The following PTGIR variants were observed in gnomAD, a reference collection of about 807,000 sequenced individuals.
The protein encoded by PTGIR is prostaglandin I2 receptor, also known as prostacyclin receptor.
Under a neutral mutation model 17.6 loss-of-function variants are expected in PTGIR, and 16 were observed. The observed-to-expected ratio is 0.91, with a 90% CI of 0.61 to 1.38. The LOEUF is 1.38. PTGIR is among the 40% of genes most tolerant of loss of function. The probability of loss-of-function intolerance (pLI) is 0.00; values close to 1 mark genes in which losing one functional copy is unlikely to be tolerated. For missense variants in PTGIR, 532 were observed against 548.6 expected (o/e 0.97, Z 0.30); for synonymous variants, 274 against 255.4 (o/e 1.07, Z -0.69).
intron 2 of PTGIR, chr19:46,622,116 G>A (rs2052736458): frequency 1.0e-6 from 1 of 985,450 alleles, no homozygotes. Flanking sequence ...CTGGCCTCTT[G>A]CATTTTACAG....
chr19:46,611,908 AAG>A, the PTGIR span, among the ~76,000 whole-genome samples: 1 of 152,252 alleles, frequency 6.6e-6, no homozygotes, highest in African/African-American at 2.4e-5. Context: ...GTGGAATAAA[AAG>A]AGGTCCTTCC....
chr19:46,624,360 C>T, intron 1 of PTGIR, 123 bp from the exon 2 acceptor site: 1 of 878,644 alleles, frequency 1.1e-6, no homozygotes, highest in Non-Finnish European at 1.6e-6. Context: ...ACCCCCAGTT[C>T]TCCTGTGTGT....
At chr19:46,619,551 G>GAAAGAAAGAAAGAA (rs1568675534), downstream of PTGIR, among the ~76,000 whole-genome samples, 34 of 66,570 alleles carry the variant, frequency 5.1e-4, no homozygotes, top group South Asian at 2.0e-3. Context: ...GAAAGAAAGA[G>GAAAGAAAGAAAGAA]AGAGAGAGAG....
Position 46,621,765 on chromosome 19 carries a change from TA to T in PTGIR, c.769-94del, listed in dbSNP as rs533575105. The T allele has an allele frequency of 1.5e-4, 217 of 1,495,308 alleles. 4 individuals carry two copies. In the South Asian group the frequency reaches 2.4e-3, roughly 17 times the overall value. 92.6% of individuals were successfully genotyped at this position (1,495,308 alleles called of 1,614,324 possible). ...TCCCACTTGCTTACCAGGGATGAGG[TA>T]GGGGTGACATGTCAGAGGGGAAGGA... On this transcript the variant is annotated intron_variant, in intron 2 of 2. Coordinates refer to ENST00000291294, the MANE Select transcript of PTGIR (RefSeq NM_000960.4). This position sits in a 1 kb window ranked among gnomAD's most constrained non-coding sequence, Gnocchi z 4.8.
chr19:46,621,197 T>C lies in PTGIR; in HGVS notation c.*83A>G. On this transcript the variant is annotated 3_prime_UTR_variant, in exon 3 of 3. Coordinates refer to ENST00000291294, the MANE Select transcript of PTGIR (RefSeq NM_000960.4). This position sits in a 1 kb window ranked among gnomAD's most constrained non-coding sequence, Gnocchi z 4.8. Reference sequence around the variant, plus strand: ...GAGTTTGGGGGCCAAGGTTCCAGCATCCGCAGCCATCAGCCATGTCCCTGA... The same window carrying C: ...GAGTTTGGGGGCCAAGGTTCCAGCACCCGCAGCCATCAGCCATGTCCCTGA... 7.0e-7 allele frequency: 1 copy of C among 1,438,074 alleles called. No homozygotes were observed. The highest frequency in any genetic ancestry group is 9.2e-7 in the Non-Finnish European group (1 of 1,091,922). The allele number at this position is 1,438,074 out of a possible 1,614,324, so 89.1% of individuals were successfully genotyped here.
the PTGIR span, chr19:46,614,374 G>A: frequency 1.0e-6 from 1 of 985,172 alleles, no homozygotes; most frequent in Non-Finnish European, 1.2e-6. Context: ...ATAAATCTGT[G>A]TGCGCCGGTG....
Position 46,623,489 on chromosome 19 carries a change from ACT to A in PTGIR, c.735_736del (p.Val246GlyfsTer21). The A allele has an allele frequency of 1.9e-6, 3 of 1,579,226 alleles. No individual in the cohort carries two copies. Among genetic ancestry groups the A allele is most frequent in the Non-Finnish European group, 2.6e-6 (3 of 1,161,660 alleles). On this transcript the variant is annotated frameshift_variant, in exon 2 of 3. Transcript: ENST00000291294. LOFTEE classifies it low-confidence loss of function (END_TRUNC). ...AGGCAGGGAGCACACGGCCATGACC[ACT>A]GTCATGAGGGCCAGCAGGATCAGGT...
In PTGIR at chr19:46,621,619, G is replaced by A. The variant is rs1235141623; in HGVS notation, c.822C>T (p.Asp274=). The A allele has an allele frequency of 5.6e-6, 9 of 1,613,524 alleles. No homozygotes were observed. Among genetic ancestry groups the A allele is most frequent in the Non-Finnish European group, 7.6e-6 (9 of 1,180,008 alleles). Residue 274 remains aspartate, a synonymous_variant, in exon 3 of 3, where the codon GAC becomes GAT. Transcript: ENST00000291294. This position sits in a 1 kb window ranked among gnomAD's most constrained non-coding sequence, Gnocchi z 4.8. ...AGGCGTAGAAGCGGAAGGCAAGGAGGTCCCCCATCTCACTGCTGCTGTCAG... is the reference window on the plus strand; with the variant it reads ...AGGCGTAGAAGCGGAAGGCAAGGAGATCCCCCATCTCACTGCTGCTGTCAG... ...VAPDSSSEMG[D]LLAFRFYAFN...
Position 46,623,562 on chromosome 19 carries a change from C to G in PTGIR, c.664G>C (p.Gly222Arg). Residue 222 changes from glycine (G) to arginine (R), a missense_variant, in exon 2 of 3, where the codon GGC (glycine) becomes CGC (arginine). Coordinates refer to ENST00000291294, the MANE Select transcript of PTGIR (RefSeq NM_000960.4). The part of the protein sequence containing the change: ...RMYRQQKRHQ[G>R]SLGPRPRTGE... ...GTGCGCGGCCGTGGACCCAGAGAGC[C>G]CTGGTGGCGCTTCTGCTGGCGGTAC... 3 of 1,554,024 alleles carry G rather than the reference C, an allele frequency of 1.9e-6. No individual in the cohort carries two copies. The highest frequency in any genetic ancestry group is 2.6e-6 in the Non-Finnish European group (3 of 1,148,626).
At position 46,622,498 on chromosome 19, in the gene PTGIR, C is replaced by T. The variant is rs73560717; in HGVS notation, c.769-826G>A. On this transcript the variant is annotated intron_variant, in intron 2 of 2. Coordinates refer to ENST00000291294, the MANE Select transcript of PTGIR (RefSeq NM_000960.4). ...GGAAGTATCTGTAAGCCACTAAGCA[C>T]GGGGCGGGCATAGAGAAGTGCTCAA... 5,133 of 716,396 alleles carry T rather than the reference C, an allele frequency of 7.2e-3. 210 individuals carry two copies. In the African/African-American group the frequency reaches 0.089, roughly 12 times the overall value. 44.4% of individuals were successfully genotyped at this position (716,396 alleles called of 1,614,324 possible). A position where few individuals can be genotyped will look rare whatever the true frequency, so the allele number is the denominator to read the frequency against.
At chr19:46,624,311 T>C in intron 1 of PTGIR, 74 bp from the exon 2 acceptor site, 1 of 1,357,556 alleles carries the variant, frequency 7.4e-7, no homozygotes, top group Admixed American at 3.3e-5. Context: ...CAGATGTCCC[T>C]GCTGGCCAGT....
At chr19:46,615,599 C>G (rs539990127), downstream of PTGIR, among the ~76,000 whole-genome samples, 1 of 150,792 alleles carries the variant, frequency 6.6e-6, no homozygotes, top group Non-Finnish European at 1.5e-5. Context: ...TCCACCTCCC[C>G]GGTTCACGCC....
the PTGIR span, among the ~76,000 whole-genome samples, chr19:46,614,155 A>C: frequency 6.6e-6 from 1 of 152,064 alleles, no homozygotes; most frequent in Non-Finnish European, 1.5e-5. Context: ...CCAGCTCAAA[A>C]CCTGTCCTGA....
At chr19:46,612,153 C>G in the PTGIR span, among the ~76,000 whole-genome samples, 3 of 152,222 alleles carry the variant, frequency 2.0e-5, no homozygotes, top group Non-Finnish European at 2.9e-5. Context: ...GCAGTAAAGA[C>G]GGTAGAGTAT....
chr19:46,613,762 G>T, the PTGIR span, among the ~76,000 whole-genome samples: 2 of 152,212 alleles, frequency 1.3e-5, no homozygotes, highest in Non-Finnish European at 2.9e-5. Context: ...GAGAAATCTG[G>T]CAGTAGAGGA....
chr19:46,619,269 G>T (rs1298118139), downstream of PTGIR, among the ~76,000 whole-genome samples: 1 of 151,882 alleles, frequency 6.6e-6, no homozygotes, highest in African/African-American at 2.4e-5. Flanking sequence ...GAGGTGGGAG[G>T]ATCACTTGAG....
chr19:46,624,523 C>A, intron 1 of PTGIR: 1 of 290,896 alleles, frequency 3.4e-6, no homozygotes, highest in Non-Finnish European at 6.4e-6. Context: ...GGCATGATCT[C>A]GGCTCACTGC....
rs1403147885 is a variant in PTGIR, at chr19:46,623,882, A to C, written c.344T>G (p.Val115Gly). The change falls in exon 2 of 3, where the codon GTG becomes GGG. Residue 115 changes from valine (V) to glycine (G), a missense_variant. Transcript: ENST00000291294. ...ASMLILFAMAVERCLALSHPY... is the reference protein window; with the variant it reads ...ASMLILFAMAGERCLALSHPY... Reference sequence around the variant, plus strand: ...GTGGCTCAGCGCCAGGCAGCGCTCCACGGCCATGGCAAAGAGGATGAGCAT... The same window carrying C: ...GTGGCTCAGCGCCAGGCAGCGCTCCCCGGCCATGGCAAAGAGGATGAGCAT... The C allele has an allele frequency of 1.2e-6, 2 of 1,610,606 alleles. No homozygotes were observed. The highest frequency in any genetic ancestry group is 1.7e-6 in the Non-Finnish European group (2 of 1,178,706).
At chr19:46,610,964 C>T in the PTGIR span, among the ~76,000 whole-genome samples, 1 of 152,170 alleles carries the variant, frequency 6.6e-6, no homozygotes, top group African/African-American at 2.4e-5. Context: ...CTGATCCCAG[C>T]TAGATCGCAG....
Sources: allele counts gnomAD v4.1 joint callset (sites outside exome capture counted in the v4.1 genomes callset), GRCh38; gene constraint gnomAD v4.1.1; non-coding constraint Gnocchi (gnomAD v3.1); transcripts MANE v1.5; gene names NCBI Gene and HGNC (gene_info 2026-07-23, HGNC 2026-07-21).